Variants in MYT1L observed in about 807,000 individuals in gnomAD.
MYT1L encodes the protein myelin transcription factor 1-like protein.
Under a neutral mutation model 126.7 loss-of-function variants are expected in MYT1L, and 12 were observed. That is an observed-to-expected ratio of 0.09 (90% confidence interval 0.06 to 0.15). The LOEUF (loss-of-function observed/expected upper bound fraction) is 0.15. Among genes scored for constraint, MYT1L ranks in the 10% least tolerant of loss-of-function variants. MYT1L has a pLI of 1.00. For synonymous variants in MYT1L, 541 were observed against 604.2 expected (o/e 0.90, Z 1.53); for missense variants, 979 against 1,585.2 (o/e 0.62, Z 6.49).
chr2:1,853,121 C>T (rs2043484637), intron 18 of MYT1L, among the ~76,000 whole-genome samples: 1 of 152,186 alleles, frequency 6.6e-6, no homozygotes, highest in African/African-American at 2.4e-5. Context: ...CTCTAGATCT[C>T]AGGGTATAGA....
intron 2 of MYT1L, among the ~76,000 whole-genome samples, chr2:2,252,824 C>T (rs923959045): frequency 1.3e-5 from 2 of 152,158 alleles, no homozygotes; most frequent in Non-Finnish European, 2.9e-5. Flanking sequence ...AATGCCTTCC[C>T]CTCTTTCTTC....
chr2:2,112,410 T>C (rs1339646391), intron 3 of MYT1L, among the ~76,000 whole-genome samples: 2 of 152,228 alleles, frequency 1.3e-5, no homozygotes, highest in Non-Finnish European at 2.9e-5. Flanking sequence ...TTTAAAAATG[T>C]TTCCTTAATC....
intron 2 of MYT1L, among the ~76,000 whole-genome samples, chr2:2,219,362 CT>C (rs969900486): frequency 1.3e-5 from 2 of 152,162 alleles, no homozygotes; most frequent in Non-Finnish European, 2.9e-5. Flanking sequence ...CTGCCTCCAG[CT>C]GTAAAAAGTA....
intron 21 of MYT1L, among the ~76,000 whole-genome samples, chr2:1,821,543 C>A (rs995672564): frequency 3.3e-5 from 5 of 152,174 alleles, no homozygotes; most frequent in African/African-American, 9.7e-5. Flanking sequence ...GCTCCTCTTT[C>A]CAGAAATGTT....
chr2:2,136,962 C>A (rs2083143621), intron 3 of MYT1L, among the ~76,000 whole-genome samples: 1 of 152,158 alleles, frequency 6.6e-6, no homozygotes, highest in African/African-American at 2.4e-5. Flanking sequence ...CCCAAAATCT[C>A]CTTAAGCTGA....
At chr2:2,265,949 C>T (rs191287043) in intron 2 of MYT1L, among the ~76,000 whole-genome samples, 1 of 152,200 alleles carries the variant, frequency 6.6e-6, no homozygotes, top group Non-Finnish European at 1.5e-5. Context: ...CTAAGCAATG[C>T]TAAGCAGGAC....
At chr2:2,018,949 G>A (rs954807176) in intron 4 of MYT1L, among the ~76,000 whole-genome samples, 1 of 152,162 alleles carries the variant, frequency 6.6e-6, no homozygotes. Flanking sequence ...TTTGTGAGTT[G>A]ACAGATGGAG....
intron 1 of MYT1L, among the ~76,000 whole-genome samples, chr2:2,328,517 T>C (rs2096265405): frequency 6.6e-6 from 1 of 152,188 alleles, no homozygotes; most frequent in African/African-American, 2.4e-5. Flanking sequence ...CACAAATCAT[T>C]GGGCCTTTAC....
At chr2:2,185,961 G>A (rs2092115648) in intron 2 of MYT1L, among the ~76,000 whole-genome samples, 2 of 117,928 alleles carry the variant, frequency 1.7e-5, no homozygotes, top group African/African-American at 3.9e-5. Context: ...GGGCCTCCCA[G>A]ACGTCCGCGT....
In MYT1L at chr2:2,070,441, C is replaced by A. The variant is rs186802623; in HGVS notation, c.-303-16318G>T. Among the ~76,000 whole-genome samples, 214 of 152,296 alleles carry A rather than the reference C, an allele frequency of 1.4e-3. 1 individual carries two copies. The highest frequency in any genetic ancestry group is 5.0e-3 in the African/African-American group (209 of 41,556). Reference sequence around the variant, plus strand: ...CAGCTCACAGCCTTACTGGGAATGACTGAGTGCCCAAAGCAATGACAGGAC... The same window carrying A: ...CAGCTCACAGCCTTACTGGGAATGAATGAGTGCCCAAAGCAATGACAGGAC... On this transcript the variant is annotated intron_variant, in intron 3 of 24. Coordinates refer to ENST00000647738, the MANE Select transcript of MYT1L (RefSeq NM_001303052.2).
intron 2 of MYT1L, among the ~76,000 whole-genome samples, chr2:2,271,356 T>A (rs991803979): frequency 6.6e-6 from 1 of 152,200 alleles, no homozygotes; most frequent in Non-Finnish European, 1.5e-5. Flanking sequence ...AATTCTTACA[T>A]TCCTAAAACA....
intron 19 of MYT1L, among the ~76,000 whole-genome samples, chr2:1,850,412 C>A (rs1421811513): frequency 6.6e-6 from 1 of 152,146 alleles, no homozygotes. Flanking sequence ...CACTGTTTCC[C>A]ATACAGGGAG....
intron 8 of MYT1L, among the ~76,000 whole-genome samples, chr2:1,956,400 GTCTGTCTA>G (rs1210489135): frequency 3.4e-5 from 2 of 58,044 alleles, no homozygotes; most frequent in Non-Finnish European, 6.0e-5. Context: ...CTTTCTATCT[GTCTGTCTA>G]TCTATCTATC....
intron 4 of MYT1L, among the ~76,000 whole-genome samples, chr2:2,004,993 T>C (rs1484456079): frequency 6.8e-6 from 1 of 146,126 alleles, no homozygotes; most frequent in Non-Finnish European, 1.5e-5. Context: ...CCTGCAGGCG[T>C]TCTTTCCTGC....
intron 5 of MYT1L, among the ~76,000 whole-genome samples, chr2:1,994,958 A>G (rs1477496457): frequency 1.3e-5 from 2 of 152,274 alleles, no homozygotes; most frequent in East Asian, 3.9e-4. Flanking sequence ...ACTTAGAGAA[A>G]CCTGTGTCTA....
At chr2:1,879,377 C>T (rs2047280109) in intron 18 of MYT1L, among the ~76,000 whole-genome samples, 1 of 152,152 alleles carries the variant, frequency 6.6e-6, no homozygotes, top group Admixed American at 6.5e-5. Context: ...TAGACTCTCC[C>T]ATCACAGAGT....
At chr2:1,797,316 T>TG (rs567349900) in intron 23 of MYT1L, among the ~76,000 whole-genome samples, 72 of 152,258 alleles carry the variant, frequency 4.7e-4, no homozygotes, top group African/African-American at 1.5e-3. Flanking sequence ...CTCCACCTCC[T>TG]GGGTTCACGC....
At chr2:2,309,867 T>C (rs1293314572) in intron 1 of MYT1L, among the ~76,000 whole-genome samples, 1 of 151,912 alleles carries the variant, frequency 6.6e-6, no homozygotes, top group East Asian at 1.9e-4. Context: ...CTACCTATAC[T>C]CCACCTACAC....
Position 1,892,032 on chromosome 2 carries a change from C to A in MYT1L, c.2283+5G>T. On this transcript the variant is annotated splice_donor_5th_base_variant and intron_variant, in intron 15 of 24. Transcript: ENST00000647738. ...AGGTGGCTCCACCTGCCCAGGCGCGCGTACCCGCGTGGCGCACAGGTCCTG... is the reference window on the plus strand; with the variant it reads ...AGGTGGCTCCACCTGCCCAGGCGCGAGTACCCGCGTGGCGCACAGGTCCTG... The A allele has an allele frequency of 6.6e-7, 1 of 1,520,062 alleles. No homozygotes were observed. The highest frequency in any genetic ancestry group is 1.2e-5 in the South Asian group (1 of 82,630). 94.2% of individuals were successfully genotyped at this position (1,520,062 alleles called of 1,614,324 possible). A position where few individuals can be genotyped will look rare whatever the true frequency, so the allele number is the denominator to read the frequency against.
Sources: allele counts gnomAD v4.1 joint callset (sites outside exome capture counted in the v4.1 genomes callset), GRCh38; gene constraint gnomAD v4.1.1; transcripts MANE v1.5; gene names NCBI Gene and HGNC (gene_info 2026-07-23, HGNC 2026-07-21).